DACH2: variants seen among roughly 807,000 people sequenced by gnomAD.
DACH2 encodes dachshund homolog 2.
Under a neutral mutation model 35.8 loss-of-function variants are expected in DACH2, and 17 were observed. The observed-to-expected ratio is 0.48, with a 90% CI of 0.33 to 0.71. DACH2 has a LOEUF of 0.71. Ranked by LOEUF, DACH2 falls within the 30% of genes least tolerant of loss-of-function variation. The probability of loss-of-function intolerance (pLI) is 0.02; values close to 1 mark genes in which losing one functional copy is unlikely to be tolerated. For synonymous variants in DACH2, 195 were observed against 177.3 expected (o/e 1.10, Z -0.79); for missense variants, 469 against 472.7 (o/e 0.99, Z 0.07).
intron 1 of DACH2, among the ~76,000 whole-genome samples, chrX:86,164,628 G>T (rs1468524150): frequency 9.0e-6 from 1 of 111,386 alleles, no homozygotes; most frequent in Non-Finnish European, 1.9e-5. Flanking sequence ...TAAGGAGGGG[G>T]TCCAGCTTCA....
intron 7 of DACH2, among the ~76,000 whole-genome samples, chrX:86,777,863 A>G (rs372989894): frequency 8.9e-6 from 1 of 111,898 alleles, no homozygotes; most frequent in Non-Finnish European, 1.9e-5. Flanking sequence ...ATAAATAAAA[A>G]TAGGCAATGT....
chrX:86,582,872 G>T (rs766337006), intron 3 of DACH2, among the ~76,000 whole-genome samples: 1 of 110,700 alleles, frequency 9.0e-6, no homozygotes, highest in Admixed American at 9.7e-5. Flanking sequence ...TATGATGGAA[G>T]CATCACGCTG....
intron 2 of DACH2, among the ~76,000 whole-genome samples, chrX:86,483,803 G>A (rs1335275846): frequency 2.0e-5 from 2 of 101,662 alleles, no homozygotes; most frequent in Admixed American, 1.1e-4. Context: ...CTGTACCCCA[G>A]CCTCAGCAAC....
chrX:86,312,146 T>A (rs904802815), intron 1 of DACH2, among the ~76,000 whole-genome samples: 1 of 112,405 alleles, frequency 8.9e-6, no homozygotes, highest in Non-Finnish European at 1.9e-5. Flanking sequence ...AAACGAGGAC[T>A]GTGTCATGAG....
At chrX:86,516,804 C>T (rs188420367) in intron 3 of DACH2, among the ~76,000 whole-genome samples, 2 of 111,004 alleles carry the variant, frequency 1.8e-5, no homozygotes, top group Non-Finnish European at 3.8e-5. Flanking sequence ...TAAGTGAGAA[C>T]ATGCGGTATT....
intron 3 of DACH2, among the ~76,000 whole-genome samples, chrX:86,568,769 T>C (rs1459328616): frequency 9.0e-6 from 1 of 111,584 alleles, no homozygotes; most frequent in African/African-American, 3.2e-5. Context: ...ACACTACTCC[T>C]TAATAAACAT....
intron 4 of DACH2, among the ~76,000 whole-genome samples, chrX:86,673,723 C>T (rs957132178): frequency 9.0e-6 from 1 of 111,277 alleles, no homozygotes. Context: ...GATTTGTGGC[C>T]CTGCCCAAAT....
intron 1 of DACH2, among the ~76,000 whole-genome samples, chrX:86,295,614 C>G (rs1398822046): frequency 1.8e-5 from 2 of 111,108 alleles, no homozygotes; most frequent in Non-Finnish European, 3.8e-5. Context: ...TTGACAATTC[C>G]CCTCTGACTA....
At chrX:86,758,503 T>A (rs1196725645) in intron 7 of DACH2, among the ~76,000 whole-genome samples, 1 of 112,220 alleles carries the variant, frequency 8.9e-6, no homozygotes, top group Non-Finnish European at 1.9e-5. Context: ...CAGGAGCATG[T>A]TGTTTCATTT....
chrX:86,584,281 C>T (rs2039540103), intron 3 of DACH2, among the ~76,000 whole-genome samples: 1 of 110,315 alleles, frequency 9.1e-6, no homozygotes, highest in Non-Finnish European at 1.9e-5. Context: ...CAGATTTATT[C>T]GTTTTATTCT....
At chrX:86,203,326 T>C (rs768215279) in intron 1 of DACH2, among the ~76,000 whole-genome samples, 2 of 111,477 alleles carry the variant, frequency 1.8e-5, no homozygotes, top group African/African-American at 6.5e-5. Context: ...AAAAGGCCTC[T>C]GAAGTTAACT....
chrX:86,254,907 A>T (rs913283248), intron 1 of DACH2, among the ~76,000 whole-genome samples: 1 of 104,937 alleles, frequency 9.5e-6, no homozygotes, highest in Non-Finnish European at 1.9e-5. Flanking sequence ...CCATAAAAGA[A>T]GTTTTCTGAG....
chrX:86,635,540 C>G (rs1189036875), intron 3 of DACH2, among the ~76,000 whole-genome samples: 3 of 110,714 alleles, frequency 2.7e-5, no homozygotes, highest in African/African-American at 9.9e-5. Context: ...AGCAATCAAT[C>G]AAGAGAAAGA....
Position 86,296,154 on chromosome X carries a change from C to T in DACH2, c.489-80670C>T, listed in dbSNP as rs188254916. ...CAGCACTTTGGGAGGCCGAGGCGGG[C>T]GGATCACGAGGTCAGGAGATCGAGA... On this transcript the variant is annotated intron_variant, in intron 1 of 11. Transcript: ENST00000373125. Among the ~76,000 whole-genome samples the T allele has an allele frequency of 7.9e-3, 842 of 106,882 alleles. 11 individuals are homozygous for T. The highest frequency in any genetic ancestry group is 0.027 in the African/African-American group (791 of 29,296). 92.8% of individuals were successfully genotyped at this position (106,882 alleles called of 115,157 possible).
intron 1 of DACH2, among the ~76,000 whole-genome samples, chrX:86,266,539 C>T (rs2033716346): frequency 8.9e-6 from 1 of 111,769 alleles, no homozygotes; most frequent in Non-Finnish European, 1.9e-5. Context: ...TATTCCGTGT[C>T]TTCATGCAAA....
chrX:86,407,861 T>C (rs1602487408), intron 2 of DACH2, among the ~76,000 whole-genome samples: 1 of 112,420 alleles, frequency 8.9e-6, no homozygotes, highest in African/African-American at 3.2e-5. Context: ...GTTTCTATTC[T>C]ACAAAGCTTT....
intron 1 of DACH2, among the ~76,000 whole-genome samples, chrX:86,169,031 G>A (rs1462185460): frequency 9.0e-6 from 1 of 111,210 alleles, no homozygotes; most frequent in Non-Finnish European, 1.9e-5. Flanking sequence ...GTTCTTTAAT[G>A]TCCTTTTCTT....
intron 4 of DACH2, among the ~76,000 whole-genome samples, chrX:86,665,479 A>C (rs941998001): frequency 9.0e-5 from 10 of 111,528 alleles, no homozygotes; most frequent in African/African-American, 3.3e-4. Context: ...AGTGAGCCTA[A>C]TGTGTTTTCT....
intron 1 of DACH2, among the ~76,000 whole-genome samples, chrX:86,292,907 T>C (rs982000711): frequency 9.5e-6 from 1 of 105,163 alleles, no homozygotes; most frequent in Non-Finnish European, 1.9e-5. Context: ...ATTCTGTTGA[T>C]TTGGGGTGGA....
Sources: gnomAD v4.1 joint callset for allele counts (sites outside exome capture counted in the v4.1 genomes callset) on GRCh38, gnomAD v4.1.1 for gene constraint, MANE v1.5 for transcripts, NCBI Gene and HGNC (gene_info 2026-07-23, HGNC 2026-07-21) for gene names.